EDIL3: variants seen among roughly 807,000 people sequenced by gnomAD.
The protein encoded by EDIL3 is EGF-like repeat and discoidin I-like domain-containing protein 3.
Under a neutral mutation model 67.4 loss-of-function variants are expected in EDIL3, and 37 were observed. The ratio of observed to expected loss-of-function variants is 0.55; its 90% confidence interval spans 0.42 to 0.72. EDIL3 has a LOEUF of 0.72. Ranked by LOEUF, EDIL3 falls within the 30% of genes least tolerant of loss-of-function variation. EDIL3 has a pLI of 0.00. For synonymous variants in EDIL3, 195 were observed against 196.3 expected, an observed-to-expected ratio of 0.99 and a Z score of 0.05; for missense variants, 527 against 586.3, an observed-to-expected ratio of 0.90 and a Z score of 1.04.
At chr5:84,287,121 T>TA (rs1289387061) in intron 1 of EDIL3, among the ~76,000 whole-genome samples, 2 of 152,194 alleles carry the variant, frequency 1.3e-5, no homozygotes, top group Non-Finnish European at 2.9e-5. Flanking sequence ...TGATTATTTA[T>TA]ATAATATTGT....
chr5:84,117,751 A>G (rs2112295520), intron 5 of EDIL3, among the ~76,000 whole-genome samples: 1 of 152,140 alleles, frequency 6.6e-6, no homozygotes, highest in East Asian at 1.9e-4. Flanking sequence ...TATAAAAAAG[A>G]CTAATTTCTT....
intron 3 of EDIL3, among the ~76,000 whole-genome samples, chr5:84,205,577 C>G (rs1378112428): frequency 6.6e-6 from 1 of 152,048 alleles, no homozygotes; most frequent in African/African-American, 2.4e-5. Flanking sequence ...TTGATTATTG[C>G]CACAATTTCA....
At chr5:83,956,810 C>A (rs1194034770) in intron 10 of EDIL3, among the ~76,000 whole-genome samples, 1 of 151,584 alleles carries the variant, frequency 6.6e-6, no homozygotes, top group Non-Finnish European at 1.5e-5. Flanking sequence ...CATTGCATGC[C>A]TGTATTAAAA....
intron 6 of EDIL3, among the ~76,000 whole-genome samples, chr5:84,074,960 C>A (rs1435880218): frequency 6.6e-6 from 1 of 152,074 alleles, no homozygotes; most frequent in Non-Finnish European, 1.5e-5. Flanking sequence ...GAATGTCCAA[C>A]AATGATAGAC....
chr5:84,243,754 C>T lies in EDIL3; in HGVS notation c.196+10330G>A, dbSNP rs543178876. 6.6e-5 allele frequency among the ~76,000 whole-genome samples: 10 copies of T among 152,114 alleles called. No homozygotes were observed. The East Asian group carries it at 1.9e-3, about 29-fold the overall frequency. On this transcript the variant is annotated intron_variant, in intron 2 of 10. Transcript: ENST00000296591. ...TGCCCTCCCTATTTTTCTTTCCAGG[C>T]CTTGATTAAAATAAAAAGAAGATAA...
intron 5 of EDIL3, among the ~76,000 whole-genome samples, chr5:84,119,842 TC>T (rs1181514034): frequency 6.6e-6 from 1 of 151,912 alleles, no homozygotes; most frequent in African/African-American, 2.4e-5. Context: ...ACAAACCATT[TC>T]CCCCCAAATT....
chr5:84,254,050 G>A (rs1416246635), intron 2 of EDIL3, 34 bp downstream of exon 2: 1 of 1,544,156 alleles, frequency 6.5e-7, no homozygotes, highest in African/African-American at 1.4e-5. Flanking sequence ...GAAATAAAAA[G>A]ATAACTACTG....
intron 10 of EDIL3, among the ~76,000 whole-genome samples, chr5:83,949,410 T>G (rs1238236423): frequency 6.6e-6 from 1 of 151,910 alleles, no homozygotes; most frequent in Non-Finnish European, 1.5e-5. Flanking sequence ...TGTCCCAGTT[T>G]GTGAAAATAT....
chr5:84,353,180 C>A (rs1435057439), intron 1 of EDIL3, among the ~76,000 whole-genome samples: 1 of 152,058 alleles, frequency 6.6e-6, no homozygotes, highest in Admixed American at 6.6e-5. Flanking sequence ...TGCCAACCAA[C>A]GTGAATCATG....
At chr5:84,330,888 C>T (rs1746857066) in intron 1 of EDIL3, among the ~76,000 whole-genome samples, 1 of 152,192 alleles carries the variant, frequency 6.6e-6, no homozygotes, top group Non-Finnish European at 1.5e-5. Flanking sequence ...AGCAACTTCT[C>T]TGTTGTTTAT....
At chr5:84,258,565 C>T (rs1227668005) in intron 1 of EDIL3, among the ~76,000 whole-genome samples, 1 of 152,180 alleles carries the variant, frequency 6.6e-6, no homozygotes, top group Non-Finnish European at 1.5e-5. Context: ...CAGCTAACTA[C>T]ATACTTGTAG....
At chr5:84,338,882 G>A (rs1747040835) in intron 1 of EDIL3, among the ~76,000 whole-genome samples, 1 of 152,118 alleles carries the variant, frequency 6.6e-6, no homozygotes, top group South Asian at 2.1e-4. Flanking sequence ...TTGGTTTAAT[G>A]CTCTGCTGTC....
intron 9 of EDIL3, among the ~76,000 whole-genome samples, chr5:84,028,910 A>C (rs896750983): frequency 2.0e-5 from 3 of 152,056 alleles, no homozygotes; most frequent in African/African-American, 7.2e-5. Context: ...TAATTGAATC[A>C]TGGGGGCAAG....
chr5:84,325,435 T>G (rs932786777), intron 1 of EDIL3, among the ~76,000 whole-genome samples: 2 of 151,902 alleles, frequency 1.3e-5, no homozygotes, highest in Admixed American at 6.6e-5. Context: ...TTCAATGAGA[T>G]ATCACCTCAC....
intron 1 of EDIL3, among the ~76,000 whole-genome samples, chr5:84,318,832 C>A (rs143594685): frequency 2.6e-5 from 4 of 152,302 alleles, no homozygotes; most frequent in East Asian, 1.9e-4. Flanking sequence ...TAAAGAACTT[C>A]TGCACAGGAA....
chr5:83,955,140 C>A (rs980502167), intron 10 of EDIL3, among the ~76,000 whole-genome samples: 11 of 151,536 alleles, frequency 7.3e-5, no homozygotes, highest in Admixed American at 1.3e-4. Flanking sequence ...TGTCATTATG[C>A]AATTAGGTCT....
At chr5:84,040,257 A>T (rs1746096679) in intron 9 of EDIL3, among the ~76,000 whole-genome samples, 1 of 152,196 alleles carries the variant, frequency 6.6e-6, no homozygotes, top group Non-Finnish European at 1.5e-5. Context: ...TGAAAATAGT[A>T]TTCAACACCA....
At chr5:84,079,337 G>A (rs1192509029) in intron 6 of EDIL3, among the ~76,000 whole-genome samples, 2 of 152,100 alleles carry the variant, frequency 1.3e-5, no homozygotes, top group Admixed American at 6.5e-5. Flanking sequence ...CAATTCAGAT[G>A]CAATTAGCGT....
intron 1 of EDIL3, among the ~76,000 whole-genome samples, chr5:84,301,928 T>C (rs1046023041): frequency 6.6e-6 from 1 of 152,232 alleles, no homozygotes; most frequent in Non-Finnish European, 1.5e-5. Context: ...GTTTTCATCA[T>C]ATTATCAAAG....
Sources: allele counts gnomAD v4.1 joint callset (sites outside exome capture counted in the v4.1 genomes callset), GRCh38; gene constraint gnomAD v4.1.1; transcripts MANE v1.5; gene names NCBI Gene and HGNC (gene_info 2026-07-23, HGNC 2026-07-21).